The following USH2A variants were observed in gnomAD, a reference collection of about 807,000 sequenced individuals.
USH2A encodes Usher syndrome 2A (autosomal recessive, mild).
In USH2A, 443 loss-of-function variants were observed where a neutral mutation model predicts 538.9. The ratio of observed to expected loss-of-function variants is 0.82; its 90% confidence interval spans 0.76 to 0.89. The LOEUF is 0.89. Ranked by LOEUF, USH2A falls within the 40% of genes least tolerant of loss-of-function variation. USH2A has a pLI of 0.00. For synonymous variants in USH2A, 2,413 were observed against 2,273.5 expected (o/e 1.06, Z -1.75); for missense variants, 6,633 against 6,324.8 (o/e 1.05, Z -1.65).
At chr1:216,390,170 T>A (rs1009736371) in intron 3 of USH2A, among the ~76,000 whole-genome samples, 1 of 152,148 alleles carries the variant, frequency 6.6e-6, no homozygotes, top group Non-Finnish European at 1.5e-5. Flanking sequence ...TTCTAGGAAA[T>A]ATGGAAATGT....
At chr1:216,326,630 C>T (rs1254557359) in intron 5 of USH2A, among the ~76,000 whole-genome samples, 1 of 152,078 alleles carries the variant, frequency 6.6e-6, no homozygotes, top group Non-Finnish European at 1.5e-5. Flanking sequence ...GTAAATACAC[C>T]TAACACTGTG....
chr1:216,207,167 G>T, intron 16 of USH2A, 106 bp downstream of exon 16: 1 of 1,358,766 alleles, frequency 7.4e-7, no homozygotes, highest in Non-Finnish European at 1.0e-6. Flanking sequence ...AACACTCTGT[G>T]CCAGACAGAG....
intron 3 of USH2A, among the ~76,000 whole-genome samples, chr1:216,383,654 GTATAATTCTT>G (rs1285883840): frequency 1.3e-5 from 2 of 152,018 alleles, no homozygotes; most frequent in Admixed American, 1.3e-4. Context: ...TTATCTTCAC[GTATAATTCTT>G]TTCACATGTA....
intron 11 of USH2A, among the ~76,000 whole-genome samples, chr1:216,283,516 G>A (rs936597460): frequency 1.3e-5 from 2 of 151,656 alleles, no homozygotes; most frequent in Admixed American, 6.6e-5. Flanking sequence ...CATTTTCTTG[G>A]CTACAACTTT....
intron 64 of USH2A, among the ~76,000 whole-genome samples, chr1:215,652,711 T>G (rs1261839321): frequency 6.6e-6 from 1 of 152,126 alleles, no homozygotes; most frequent in Non-Finnish European, 1.5e-5. Flanking sequence ...TGCAAATATC[T>G]TTCTGGGAAG....
At chr1:215,768,842 C>G (rs914363461) in intron 55 of USH2A, among the ~76,000 whole-genome samples, 1 of 152,132 alleles carries the variant, frequency 6.6e-6, no homozygotes, top group Non-Finnish European at 1.5e-5. Flanking sequence ...AATATAAGCC[C>G]TTTGAGAGTA....
At chr1:216,211,621 C>T (rs2035242850) in intron 15 of USH2A, among the ~76,000 whole-genome samples, 1 of 152,054 alleles carries the variant, frequency 6.6e-6, no homozygotes, top group Non-Finnish European at 1.5e-5. Context: ...TGCTCATTGC[C>T]CTCCTTTTGT....
At chr1:215,800,511 C>A (rs1417910385) in intron 49 of USH2A, among the ~76,000 whole-genome samples, 3 of 152,128 alleles carry the variant, frequency 2.0e-5, no homozygotes, top group African/African-American at 7.2e-5. Flanking sequence ...AGAAATGGCA[C>A]AAATCCACTG....
intron 69 of USH2A, 120 bp downstream of exon 69, chr1:215,639,035 A>G (rs1656590362): frequency 9.8e-7 from 1 of 1,016,526 alleles, no homozygotes; most frequent in Non-Finnish European, 1.5e-6. Context: ...CACTTGGCAC[A>G]ATTTCTTCTG....
At chr1:215,887,738 T>G (rs1480883971) in intron 41 of USH2A, among the ~76,000 whole-genome samples, 2 of 152,212 alleles carry the variant, frequency 1.3e-5, no homozygotes, top group Non-Finnish European at 2.9e-5. Flanking sequence ...TATGCAAATG[T>G]CCTTTGTTTT....
intron 50 of USH2A, among the ~76,000 whole-genome samples, chr1:215,790,880 G>A (rs1285078365): frequency 6.6e-6 from 1 of 152,186 alleles, no homozygotes; most frequent in Non-Finnish European, 1.5e-5. Flanking sequence ...AATCAGCTGA[G>A]CATGTTCACT....
intron 55 of USH2A, among the ~76,000 whole-genome samples, chr1:215,777,273 G>A (rs907441675): frequency 1.3e-5 from 2 of 152,154 alleles, no homozygotes; most frequent in Admixed American, 1.3e-4. Flanking sequence ...AACTGGTAGG[G>A]TGAAGTTATT....
intron 37 of USH2A, among the ~76,000 whole-genome samples, chr1:215,963,487 T>C (rs1667252649): frequency 6.6e-6 from 1 of 152,122 alleles, no homozygotes; most frequent in African/African-American, 2.4e-5. Context: ...TGCTTCCAAT[T>C]TGTCTGTTTT....
chr1:216,249,461 G>A (rs769771543), intron 12 of USH2A, among the ~76,000 whole-genome samples: 32 of 152,070 alleles, frequency 2.1e-4, no homozygotes, highest in Non-Finnish European at 4.1e-4. Context: ...CACATCTTGA[G>A]TTTAAAATAT....
At chr1:216,352,119 T>G (rs1267900848) in intron 4 of USH2A, among the ~76,000 whole-genome samples, 2 of 151,674 alleles carry the variant, frequency 1.3e-5, no homozygotes, top group Admixed American at 1.3e-4. Flanking sequence ...GAGGCTGGGG[T>G]GGGGAGATTT....
At chr1:216,356,710 CAATT>C in intron 4 of USH2A, among the ~76,000 whole-genome samples, 2 of 152,044 alleles carry the variant, frequency 1.3e-5, no homozygotes, top group South Asian at 4.1e-4. Context: ...TTTATTAAAT[CAATT>C]CCTTTTTGAA....
intron 16 of USH2A, among the ~76,000 whole-genome samples, chr1:216,202,704 C>T (rs1357086077): frequency 6.6e-6 from 1 of 152,150 alleles, no homozygotes; most frequent in Non-Finnish European, 1.5e-5. Context: ...CATGGAACTG[C>T]CCATGATTGC....
At chr1:216,387,450 T>C (rs1182055376) in intron 3 of USH2A, among the ~76,000 whole-genome samples, 1 of 152,238 alleles carries the variant, frequency 6.6e-6, no homozygotes, top group Non-Finnish European at 1.5e-5. Context: ...TGTTTCTGTG[T>C]GAAATATTTC....
intron 11 of USH2A, among the ~76,000 whole-genome samples, chr1:216,264,107 C>T (rs947496586): frequency 1.3e-5 from 2 of 151,816 alleles, no homozygotes; most frequent in African/African-American, 2.4e-5. Context: ...TTAAAGAGGA[C>T]ACATAAGAAA....
Sources: gnomAD v4.1 joint callset for allele counts (sites outside exome capture counted in the v4.1 genomes callset) on GRCh38, gnomAD v4.1.1 for gene constraint, MANE v1.5 for transcripts, NCBI Gene and HGNC (gene_info 2026-07-23, HGNC 2026-07-21) for gene names.